APBB2: variants seen among roughly 807,000 people sequenced by gnomAD.
APBB2 encodes the protein Fe65-like 1.
Under a neutral mutation model 82.5 loss-of-function variants are expected in APBB2, and 38 were observed. That is an observed-to-expected ratio of 0.46 (90% confidence interval 0.36 to 0.60). APBB2 has a LOEUF of 0.60. Among genes scored for constraint, APBB2 ranks in the 20% least tolerant of loss-of-function variants. The pLI is 0.00. For synonymous variants in APBB2, 341 were observed against 368.2 expected, an observed-to-expected ratio of 0.93 and a Z score of 0.85; for missense variants, 772 against 972.3, an observed-to-expected ratio of 0.79 and a Z score of 2.74.
rs36224955 is a variant in APBB2 at position 41,027,364 on chromosome 4, CATATATATATATATATATATATATAT to C, written c.19+5846_19+5871del. Among the ~76,000 whole-genome samples, 11 of 127,448 alleles carry C rather than the reference CATATATATATATATATATATATATAT, an allele frequency of 8.6e-5. 1 individual carries two copies. The highest frequency in any genetic ancestry group is 1.7e-4 in the Admixed American group (2 of 11,806). The allele number at this position is 127,448 out of a possible 152,430, so 83.6% of individuals were successfully genotyped here. A position where few individuals can be genotyped will look rare whatever the true frequency, so the allele number is the denominator to read the frequency against. On this transcript the variant is annotated intron_variant, in intron 5 of 17. Transcript: ENST00000508593. ...TTATATTTTTATAAACATATTGTTA[CATATATATATATATATATATATATAT>C]ATATATATATATATAACATTTTCAA...
intron 12 of APBB2, among the ~76,000 whole-genome samples, chr4:40,886,233 C>A (rs1770218157): frequency 6.6e-6 from 1 of 152,206 alleles, no homozygotes; most frequent in Non-Finnish European, 1.5e-5. Context: ...AATCCCGGCA[C>A]TTTGGGAGGC....
At chr4:40,858,454 C>CAAAAAAAAAAA (rs34433911) in intron 12 of APBB2, among the ~76,000 whole-genome samples, 9 of 57,710 alleles carry the variant, frequency 1.6e-4, no homozygotes, top group African/African-American at 5.2e-4. Context: ...GAGTCCGTCT[C>CAAAAAAAAAAA]AAAAAAAAAA....
chr4:40,819,005 C>T (rs1020217830), intron 17 of APBB2, among the ~76,000 whole-genome samples: 1 of 151,102 alleles, frequency 6.6e-6, no homozygotes, highest in Non-Finnish European at 1.5e-5. Context: ...GCAAACTTTC[C>T]CTTCATTCAT....
At chr4:41,204,993 A>G (rs1777588205) in intron 1 of APBB2, among the ~76,000 whole-genome samples, 1 of 152,238 alleles carries the variant, frequency 6.6e-6, no homozygotes. Flanking sequence ...AGAAAGGATC[A>G]TGGTTTGAGC....
At chr4:40,928,429 A>ACAC (rs771316562) in intron 10 of APBB2, among the ~76,000 whole-genome samples, 23 of 10,988 alleles carry the variant, frequency 2.1e-3, no homozygotes, top group African/African-American at 2.8e-3. Flanking sequence ...CACACACACA[A>ACAC]TCAGCCAGGT....
At chr4:40,922,055 T>C (rs975726037) in intron 10 of APBB2, among the ~76,000 whole-genome samples, 2 of 152,162 alleles carry the variant, frequency 1.3e-5, no homozygotes, top group Non-Finnish European at 2.9e-5. Context: ...AATGTGTGGA[T>C]TCAACAACTA....
At chr4:41,034,124 G>C (rs1468778729) in intron 4 of APBB2, among the ~76,000 whole-genome samples, 1 of 152,108 alleles carries the variant, frequency 6.6e-6, no homozygotes, top group Non-Finnish European at 1.5e-5. Context: ...CCCACTGCTC[G>C]GCAATTCCAC....
chr4:40,989,990 C>G (rs1801571326), intron 6 of APBB2, among the ~76,000 whole-genome samples: 1 of 152,122 alleles, frequency 6.6e-6, no homozygotes, highest in South Asian at 2.1e-4. Flanking sequence ...AGAGAGGAGC[C>G]TTTTATTAAA....
intron 1 of APBB2, among the ~76,000 whole-genome samples, chr4:41,159,938 AGG>A (rs1580497889): frequency 3.0e-4 from 9 of 29,972 alleles, no homozygotes; most frequent in East Asian, 2.3e-3. Context: ...GAGGAGGAGG[AGG>A]AGGAGAAGGA....
In APBB2 at chr4:40,815,284, T is replaced by C. The variant is rs932448534; in HGVS notation, c.*808A>G. 2.0e-5 allele frequency: 3 copies of C among 152,632 alleles called. No individual in the cohort carries two copies. The highest frequency in any genetic ancestry group is 6.5e-5 in the Admixed American group (1 of 15,278). The allele number at this position is 152,632 out of a possible 1,614,324, so 9.5% of individuals were successfully genotyped here. ...GAACTATAATTCTCTAGCTGCACCG[T>C]ACAATATAAGGCAGAAGTTTGAAAT... On this transcript the variant is annotated 3_prime_UTR_variant, in exon 18 of 18. Coordinates refer to ENST00000508593, the MANE Select transcript of APBB2 (RefSeq NM_004307.2).
At chr4:41,069,002 G>A in intron 3 of APBB2, among the ~76,000 whole-genome samples, 1 of 151,812 alleles carries the variant, frequency 6.6e-6, no homozygotes, top group African/African-American at 2.4e-5. Context: ...CACCATGTTG[G>A]CCAGGATGGT....
At chr4:41,173,131 G>A (rs7683197) in intron 1 of APBB2, among the ~76,000 whole-genome samples, 21,293 of 152,144 alleles carry the variant, frequency 0.14, 2,553 homozygotes, top group African/African-American at 0.33. Flanking sequence ...AAGTTCAACT[G>A]TAGCTAAAAT....
intron 7 of APBB2, 58 bp from the exon 8 acceptor site, chr4:40,935,197 G>GA (rs1785094624): frequency 9.9e-6 from 10 of 1,008,636 alleles, no homozygotes; most frequent in Middle Eastern, 2.5e-4. Flanking sequence ...AAAAAGAAAA[G>GA]AAAAGAAAAA....
chr4:40,870,835 C>T (rs1375645946), intron 12 of APBB2, among the ~76,000 whole-genome samples: 3 of 150,458 alleles, frequency 2.0e-5, no homozygotes, highest in African/African-American at 7.4e-5. Flanking sequence ...CAGGTTCAAG[C>T]GATTCTCCTG....
chr4:41,138,993 A>G (rs1758364297), intron 2 of APBB2, among the ~76,000 whole-genome samples: 1 of 152,180 alleles, frequency 6.6e-6, no homozygotes. Flanking sequence ...CATCAAAAAG[A>G]GAAAAATACT....
chr4:41,159,238 CTCTT>C (rs1204237523), intron 1 of APBB2, among the ~76,000 whole-genome samples: 2 of 152,294 alleles, frequency 1.3e-5, no homozygotes, highest in Admixed American at 1.3e-4. Flanking sequence ...CTCTATCTCT[CTCTT>C]TTTCTTTCTC....
At chr4:41,120,439 T>G (rs1397732445) in intron 2 of APBB2, among the ~76,000 whole-genome samples, 1 of 151,964 alleles carries the variant, frequency 6.6e-6, no homozygotes, top group Non-Finnish European at 1.5e-5. Flanking sequence ...AACCGACACA[T>G]GAGCAAAAGC....
At chr4:41,040,145 G>C in intron 4 of APBB2, among the ~76,000 whole-genome samples, 1 of 152,154 alleles carries the variant, frequency 6.6e-6, no homozygotes, top group Middle Eastern at 3.4e-3. Flanking sequence ...ATTGTAACCT[G>C]CCAAGCAGAG....
At chr4:40,821,757 T>C in intron 17 of APBB2, 114 bp downstream of exon 17, 1 of 1,220,206 alleles carries the variant, frequency 8.2e-7, no homozygotes, top group Non-Finnish European at 1.1e-6. Flanking sequence ...AAGTAAAGCA[T>C]TACTTTAGGG....
Sources: allele counts gnomAD v4.1 joint callset (sites outside exome capture counted in the v4.1 genomes callset), GRCh38; gene constraint gnomAD v4.1.1; transcripts MANE v1.5; gene names NCBI Gene and HGNC (gene_info 2026-07-23, HGNC 2026-07-21).